The following RFX3 variants were observed in gnomAD, a reference collection of about 807,000 sequenced individuals.
The protein encoded by RFX3 is transcription factor RFX3.
In RFX3, 14 loss-of-function variants were observed where a neutral mutation model predicts 98.6. That is an observed-to-expected ratio of 0.14 (90% CI 0.09 to 0.22). The LOEUF is 0.22. RFX3 is among the 10% of genes least tolerant of loss of function. The pLI is 1.00. For synonymous variants in RFX3, 383 were observed against 328.4 expected, an observed-to-expected ratio of 1.17 and a Z score of -1.80; for missense variants, 639 against 926.9, an observed-to-expected ratio of 0.69 and a Z score of 4.03.
At chr9:3,450,935 A>G (rs576236474) in intron 1 of RFX3, among the ~76,000 whole-genome samples, 83 of 152,318 alleles carry the variant, frequency 5.4e-4, no homozygotes, top group African/African-American at 1.9e-3. Context: ...AAGAGCTGCA[A>G]TTACAACTGG....
At chr9:3,386,223 A>C (rs1179498439) in intron 2 of RFX3, among the ~76,000 whole-genome samples, 2 of 152,184 alleles carry the variant, frequency 1.3e-5, no homozygotes, top group Non-Finnish European at 1.5e-5. Flanking sequence ...AAGTGGCCAA[A>C]AGCCAATGTT....
At chr9:3,327,560 T>C (rs1432718159) in intron 4 of RFX3, among the ~76,000 whole-genome samples, 2 of 152,134 alleles carry the variant, frequency 1.3e-5, no homozygotes, top group Non-Finnish European at 2.9e-5. Context: ...AGTTACTTTT[T>C]TTTTAATTTT....
chr9:3,326,564 T>G (rs970307265), intron 4 of RFX3, among the ~76,000 whole-genome samples: 39 of 152,246 alleles, frequency 2.6e-4, no homozygotes, highest in African/African-American at 9.2e-4. Flanking sequence ...TAGCTTCCAC[T>G]TACAAGTGAG....
intron 2 of RFX3, among the ~76,000 whole-genome samples, chr9:3,370,217 G>C (rs1323242075): frequency 2.7e-5 from 4 of 150,384 alleles, no homozygotes; most frequent in Admixed American, 6.6e-5. Flanking sequence ...ATGATCCCTA[G>C]AGCAAGTTAT....
At chr9:3,452,651 T>C (rs111736791) in intron 1 of RFX3, among the ~76,000 whole-genome samples, 11,078 of 152,282 alleles carry the variant, frequency 0.073, 550 homozygotes, top group South Asian at 0.2. Flanking sequence ...GTTGCTTCTG[T>C]GTGGGGGAAT....
At chr9:3,340,357 T>A (rs1587171921) in intron 3 of RFX3, among the ~76,000 whole-genome samples, 1 of 152,100 alleles carries the variant, frequency 6.6e-6, no homozygotes, top group African/African-American at 2.4e-5. Flanking sequence ...GGACTTCATG[T>A]CTAAAACACC....
chr9:3,299,411 T>A (rs139283463), intron 5 of RFX3, among the ~76,000 whole-genome samples: 3 of 151,778 alleles, frequency 2.0e-5, no homozygotes, highest in Middle Eastern at 3.2e-3. Context: ...GAAGCACTGA[T>A]CCTTTCTCCA....
intron 4 of RFX3, among the ~76,000 whole-genome samples, chr9:3,306,708 A>G (rs1829364271): frequency 6.6e-6 from 1 of 151,772 alleles, no homozygotes; most frequent in Non-Finnish European, 1.5e-5. Context: ...TATGTAACAA[A>G]CCTGCAGGTT....
intron 1 of RFX3, among the ~76,000 whole-genome samples, chr9:3,404,933 T>C (rs1320263643): frequency 6.6e-6 from 1 of 152,190 alleles, no homozygotes; most frequent in African/African-American, 2.4e-5. Context: ...GCTGACACTT[T>C]GTTATTTAGT....
At chr9:3,480,819 C>T (rs1001641828) in intron 1 of RFX3, among the ~76,000 whole-genome samples, 8 of 144,046 alleles carry the variant, frequency 5.6e-5, no homozygotes, top group East Asian at 2.6e-4. Context: ...CTTAGAGGAA[C>T]GCTGTAGAAT....
At chr9:3,266,107 C>G (rs1823600572) in intron 12 of RFX3, 101 bp downstream of exon 12, 12 of 611,484 alleles carry the variant, frequency 2.0e-5, no homozygotes. Context: ...ATGTTATAAC[C>G]TCAACATTTT....
At chr9:3,319,140 T>C (rs1368212627) in intron 4 of RFX3, among the ~76,000 whole-genome samples, 2 of 152,240 alleles carry the variant, frequency 1.3e-5, no homozygotes, top group Admixed American at 1.3e-4. Flanking sequence ...CATTTTCACT[T>C]TGTAGTTAGT....
rs571396489 is a variant in RFX3 at position 3,322,924 on chromosome 9, CA to C, written c.474+7334del. The stretch of plus-strand genomic sequence containing the variant: ...CATCTTTCCTGTAATTTTGAAAGCA[CA>C]ATTAAACATCACATCTTCCTTTCCT... On this transcript the variant is annotated intron_variant, in intron 4 of 16. Coordinates refer to ENST00000617270, the MANE Select transcript of RFX3 (RefSeq NM_001282116.2). Among the ~76,000 whole-genome samples, 935 of 152,190 alleles carry C rather than the reference CA, an allele frequency of 6.1e-3. 9 individuals are homozygous for C. Among genetic ancestry groups the C allele is most frequent in the Middle Eastern group, 0.027 (8 of 294 alleles).
chr9:3,418,169 T>C (rs1377590269), intron 1 of RFX3, among the ~76,000 whole-genome samples: 2 of 152,196 alleles, frequency 1.3e-5, no homozygotes, highest in Non-Finnish European at 2.9e-5. Flanking sequence ...TTGGGCAAGT[T>C]ACTTAAGTAG....
rs1830088857 is a variant in RFX3, at chr9:3,312,602, G to T, written c.475-10982C>A. Among the ~76,000 whole-genome samples the T allele has an allele frequency of 2.0e-5, 3 of 152,100 alleles. No individual in the cohort carries two copies. In the South Asian group the frequency reaches 6.2e-4, roughly 32 times the overall value. Reference sequence around the variant, plus strand: ...AAAAAAAAAAAAGCAGGGGGATTGAGGTTCCAAGATGGCCGAATAGGAACA... The same window carrying T: ...AAAAAAAAAAAAGCAGGGGGATTGATGTTCCAAGATGGCCGAATAGGAACA... On this transcript the variant is annotated intron_variant, in intron 4 of 16. Coordinates refer to ENST00000617270, the MANE Select transcript of RFX3 (RefSeq NM_001282116.2).
intron 1 of RFX3, among the ~76,000 whole-genome samples, chr9:3,498,159 C>G (rs1391095852): frequency 6.6e-6 from 1 of 151,962 alleles, no homozygotes; most frequent in African/African-American, 2.4e-5. Flanking sequence ...CAATCACATA[C>G]TAAAGGACAC....
intron 2 of RFX3, among the ~76,000 whole-genome samples, chr9:3,356,116 T>C (rs1032628582): frequency 6.8e-6 from 1 of 146,250 alleles, no homozygotes; most frequent in Non-Finnish European, 1.5e-5. Flanking sequence ...GTTTCCACTT[T>C]GTGTTAAAAA....
chr9:3,348,297 G>C (rs1834682093), intron 2 of RFX3, among the ~76,000 whole-genome samples: 1 of 152,050 alleles, frequency 6.6e-6, no homozygotes, highest in African/African-American at 2.4e-5. Flanking sequence ...TGTGTACTTA[G>C]TATTGTACCA....
intron 2 of RFX3, among the ~76,000 whole-genome samples, chr9:3,374,558 C>T (rs1345598535): frequency 6.6e-6 from 1 of 152,146 alleles, no homozygotes; most frequent in African/African-American, 2.4e-5. Flanking sequence ...CTGATACATG[C>T]TACAACACGG....
Sources: gnomAD v4.1 joint callset for allele counts (sites outside exome capture counted in the v4.1 genomes callset) on GRCh38, gnomAD v4.1.1 for gene constraint, MANE v1.5 for transcripts, NCBI Gene and HGNC (gene_info 2026-07-23, HGNC 2026-07-21) for gene names.